The following RBFOX1 variants were observed in gnomAD, a reference collection of about 807,000 sequenced individuals.
The protein encoded by RBFOX1 is RNA binding fox-1 homolog 1.
In RBFOX1, 8 loss-of-function variants were observed where a neutral mutation model predicts 57.7. The ratio of observed to expected loss-of-function variants is 0.14; its 90% CI spans 0.08 to 0.25. RBFOX1 has a LOEUF of 0.25. Ranked by LOEUF, RBFOX1 falls within the 10% of genes least tolerant of loss-of-function variation. The pLI, the probability that RBFOX1 is intolerant of heterozygous loss-of-function variation, is 1.00. For synonymous variants in RBFOX1, 326 were observed against 222.4 expected (o/e 1.47, Z -4.15); for missense variants, 611 against 548.5 (o/e 1.11, Z -1.14).
chr16:6,562,880 C>CTTTCTTTCTTTTTT (rs746999419), intron 2 of RBFOX1, among the ~76,000 whole-genome samples: 4 of 51,780 alleles, frequency 7.7e-5, no homozygotes, highest in East Asian at 9.1e-4. Context: ...TTCTTTCTTT[C>CTTTCTTTCTTTTTT]TTTTTTTTTT....
At chr16:7,033,191 T>C (rs777542029) in intron 3 of RBFOX1, among the ~76,000 whole-genome samples, 1 of 152,090 alleles carries the variant, frequency 6.6e-6, no homozygotes, top group Non-Finnish European at 1.5e-5. Flanking sequence ...TTAGGGATTA[T>C]AGGGAGACCA....
At chr16:6,413,070 A>G (rs1792201970) in intron 2 of RBFOX1, among the ~76,000 whole-genome samples, 2 of 152,246 alleles carry the variant, frequency 1.3e-5, no homozygotes, top group African/African-American at 2.4e-5. Flanking sequence ...CTATAATCCC[A>G]GCACTTTGGG....
chr16:6,943,403 C>G (rs1188421491), intron 3 of RBFOX1, among the ~76,000 whole-genome samples: 5 of 152,272 alleles, frequency 3.3e-5, no homozygotes, highest in African/African-American at 9.6e-5. Flanking sequence ...GACTGAAAAT[C>G]TAACTTAAGA....
At chr16:5,896,751 A>G (rs2058173447) in intron 4 of RBFOX1, among the ~76,000 whole-genome samples, 1 of 152,060 alleles carries the variant, frequency 6.6e-6, no homozygotes, top group African/African-American at 2.4e-5. Flanking sequence ...TTCCATTTGG[A>G]GAAGAGGAGA....
At chr16:6,992,368 C>A (rs537414380) in intron 3 of RBFOX1, among the ~76,000 whole-genome samples, 77 of 152,218 alleles carry the variant, frequency 5.1e-4, no homozygotes, top group Admixed American at 1.2e-3. Context: ...CAGGTACCCA[C>A]CACCATGCCC....
At chr16:6,262,789 G>C (rs916624707) in intron 1 of RBFOX1, among the ~76,000 whole-genome samples, 19 of 152,142 alleles carry the variant, frequency 1.2e-4, no homozygotes, top group Non-Finnish European at 2.4e-4. Flanking sequence ...CAACCTCAGT[G>C]CTCCTTTATC....
intron 3 of RBFOX1, among the ~76,000 whole-genome samples, chr16:6,690,054 CTTTA>C (rs547037675): frequency 1.6e-3 from 242 of 152,196 alleles, no homozygotes; most frequent in Non-Finnish European, 2.8e-3. Flanking sequence ...AGAATCCTTG[CTTTA>C]TTTATTTATT....
At chr16:7,155,738 T>TACACAC (rs138509367) in intron 4 of RBFOX1, among the ~76,000 whole-genome samples, 6 of 75,490 alleles carry the variant, frequency 7.9e-5, no homozygotes, top group Non-Finnish European at 6.7e-5. Context: ...TATATATATA[T>TACACAC]ACACACACAC....
chr16:7,048,624 C>A (rs1305238050), intron 3 of RBFOX1, among the ~76,000 whole-genome samples: 1 of 152,122 alleles, frequency 6.6e-6, no homozygotes, highest in African/African-American at 2.4e-5. Context: ...CAGTTATTTT[C>A]AGTGTGTTTT....
rs1420799153 is a variant in RBFOX1 at position 6,978,551 on chromosome 16, C to T, written c.-15-73506C>T. On this transcript the variant is annotated intron_variant, in intron 3 of 15. Coordinates refer to ENST00000550418, the MANE Select transcript of RBFOX1 (RefSeq NM_018723.4). ...TCATAGAAGTTAAAGTAACTCACTA[C>T]AGTCATAGAGCCCCTTTCTCCTTTC... Among the ~76,000 whole-genome samples the T allele has an allele frequency of 2.6e-5, 4 of 151,552 alleles. No individual in the cohort carries two copies. The East Asian group carries it at 5.9e-4, about 22-fold the overall frequency.
At chr16:5,556,406 T>C (rs990875415) in intron 2 of RBFOX1, among the ~76,000 whole-genome samples, 1 of 152,232 alleles carries the variant, frequency 6.6e-6, no homozygotes, top group African/African-American at 2.4e-5. Context: ...GTTTGTTCTA[T>C]GGCTTGAGTT....
chr16:7,526,552 A>G (rs1199963125), intron 5 of RBFOX1, among the ~76,000 whole-genome samples: 2 of 152,208 alleles, frequency 1.3e-5, no homozygotes, highest in South Asian at 2.1e-4. Flanking sequence ...GGATTACAGA[A>G]CAACAGAGTT....
chr16:6,837,643 C>A (rs971128868), intron 3 of RBFOX1, among the ~76,000 whole-genome samples: 1 of 152,242 alleles, frequency 6.6e-6, no homozygotes, highest in Non-Finnish European at 1.5e-5. Context: ...CTAAGCCTCA[C>A]TCCCTCATTG....
chr16:7,103,233 G>A (rs1056575715), intron 4 of RBFOX1, among the ~76,000 whole-genome samples: 4 of 152,110 alleles, frequency 2.6e-5, no homozygotes, highest in Admixed American at 6.6e-5. Context: ...TCATTCTTTT[G>A]CATTTGTATC....
chr16:5,242,181 T>C (rs889704227), intron 1 of RBFOX1, among the ~76,000 whole-genome samples: 8 of 152,132 alleles, frequency 5.3e-5, no homozygotes, highest in African/African-American at 1.9e-4. Flanking sequence ...TCCATTAAAA[T>C]GCTTTCTGGA....
chr16:5,695,181 A>G (rs1596797231), intron 3 of RBFOX1, among the ~76,000 whole-genome samples: 1 of 152,146 alleles, frequency 6.6e-6, no homozygotes, highest in South Asian at 2.1e-4. Context: ...TTCACTAAGC[A>G]TTTCAATTTT....
intron 3 of RBFOX1, among the ~76,000 whole-genome samples, chr16:5,625,474 C>T (rs61305277): frequency 0.019 from 2,899 of 152,036 alleles, 101 homozygotes; most frequent in African/African-American, 0.067. Flanking sequence ...ACCGCTGCAC[C>T]GTTCTTCATA....
chr16:6,210,201 C>G (rs2097284025), intron 1 of RBFOX1, among the ~76,000 whole-genome samples: 1 of 150,676 alleles, frequency 6.6e-6, no homozygotes, highest in African/African-American at 2.4e-5. Flanking sequence ...GCCTTTAATC[C>G]CAGCTACTTG....
intron 5 of RBFOX1, among the ~76,000 whole-genome samples, chr16:7,542,888 C>G (rs569282416): frequency 1.6e-4 from 24 of 151,422 alleles, no homozygotes; most frequent in African/African-American, 5.8e-4. Context: ...TAGCTAGGCA[C>G]ACATAATTGT....
Sources: gnomAD v4.1 joint callset for allele counts (sites outside exome capture counted in the v4.1 genomes callset) on GRCh38, gnomAD v4.1.1 for gene constraint, MANE v1.5 for transcripts, NCBI Gene and HGNC (gene_info 2026-07-23, HGNC 2026-07-21) for gene names.